Variants in PSG11 observed in about 807,000 individuals in gnomAD.
PSG11 encodes pregnancy specific beta-1-glycoprotein 11.
PSG11 carries 42 observed loss-of-function variants against 36.0 expected under a neutral mutation model. That is an observed-to-expected ratio of 1.17 (90% CI 0.91 to 1.51). The LOEUF (loss-of-function observed/expected upper bound fraction) is 1.51. PSG11 is among the 40% of genes most tolerant of loss of function. The pLI, the probability that PSG11 is intolerant of heterozygous loss-of-function variation, is 0.00. For synonymous variants in PSG11, 206 were observed against 153.5 expected, an observed-to-expected ratio of 1.34 and a Z score of -2.53; for missense variants, 558 against 403.5, an observed-to-expected ratio of 1.38 and a Z score of -3.28.
intron 4 of PSG11, among the ~76,000 whole-genome samples, chr19:43,013,671 A>C (rs1056874412): frequency 6.6e-6 from 1 of 151,472 alleles, no homozygotes; most frequent in African/African-American, 2.4e-5. Context: ...TGCATTGCTG[A>C]TGGGAATGGG....
chr19:43,020,878 T>G (rs1443926334), intron 2 of PSG11, among the ~76,000 whole-genome samples: 3 of 151,450 alleles, frequency 2.0e-5, no homozygotes, highest in African/African-American at 7.3e-5. Flanking sequence ...GTATGTGAAA[T>G]GCTTTCTTCA....
intron 3 of PSG11, among the ~76,000 whole-genome samples, chr19:43,016,602 A>C (rs1362411802): frequency 6.7e-6 from 1 of 149,842 alleles, no homozygotes; most frequent in African/African-American, 2.5e-5. Context: ...CCTGGAGGTC[A>C]GTTCAGTCAT....
chr19:43,016,371 T>C (rs1033380695), intron 3 of PSG11, among the ~76,000 whole-genome samples: 3 of 151,290 alleles, frequency 2.0e-5, no homozygotes, highest in Non-Finnish European at 2.9e-5. Context: ...CTGGCTCACC[T>C]TGGGTTCCTT....
In PSG11 at chr19:43,014,394, C is replaced by T. The variant is rs567818975; in HGVS notation, c.964+722G>A. On this transcript the variant is annotated intron_variant, in intron 4 of 5. Coordinates refer to ENST00000320078, the MANE Select transcript of PSG11 (RefSeq NM_002785.3). ...CAGTCACTGTACTCAGTGCTGTGTCCCACGTGCTGTGCCCACAGCCTCATA... is the reference window on the plus strand; with the variant it reads ...CAGTCACTGTACTCAGTGCTGTGTCTCACGTGCTGTGCCCACAGCCTCATA... 1.1e-5 allele frequency: 10 copies of T among 942,026 alleles called. No homozygotes were observed. The South Asian group carries it at 4.9e-4, about 47-fold the overall frequency. 58.4% of individuals were successfully genotyped at this position (942,026 alleles called of 1,614,324 possible). A position where few individuals can be genotyped will look rare whatever the true frequency, so the allele number is the denominator to read the frequency against.
rs1382058922 is a variant in PSG11 at position 43,015,778 on chromosome 19, A to C, written c.710-408T>G. The C allele has an allele frequency of 6.2e-6, 10 of 1,610,470 alleles. No homozygotes were observed. The African/African-American group carries it at 6.7e-5, about 11-fold the overall frequency. On this transcript the variant is annotated intron_variant, in intron 3 of 5. Coordinates refer to ENST00000320078, the MANE Select transcript of PSG11 (RefSeq NM_002785.3). The stretch of plus-strand genomic sequence containing the variant: ...GGAACAAAAGATACAGAGGACATTC[A>C]GGGTGACTGAGTCACTGCGGATGCC...
At position 43,010,059 on chromosome 19, in the gene PSG11, GA is replaced by G. The variant is rs781159305; in HGVS notation, c.965-19del. ...TGGAGGAGCTGTCATGGAAAGAAAA[GA>G]AAAGAAGGAATGAAGGTGATGTTAT... On this transcript the variant is annotated intron_variant, in intron 4 of 5. Coordinates refer to ENST00000320078, the MANE Select transcript of PSG11 (RefSeq NM_002785.3). 2.5e-6 allele frequency: 4 copies of G among 1,606,234 alleles called. No homozygotes were observed. Among genetic ancestry groups the G allele is most frequent in the East Asian group, 2.2e-5 (1 of 44,734 alleles).
intron 5 of PSG11, 79 bp downstream of exon 5, chr19:43,009,879 A>G: frequency 8.7e-7 from 1 of 1,148,348 alleles, no homozygotes; most frequent in Non-Finnish European, 1.3e-6. Context: ...GCCCAGATAC[A>G]GGCAAATAAG....
chr19:43,025,798 A>G lies in PSG11; in HGVS notation c.64+511T>C, dbSNP rs1053864828. Among the ~76,000 whole-genome samples, 4 of 150,390 alleles carry G rather than the reference A, an allele frequency of 2.7e-5. 1 individual carries two copies. Among genetic ancestry groups the G allele is most frequent in the African/African-American group, 2.5e-5 (1 of 40,746 alleles). ...GTGGCCCCTGATGATTAATCAGGAA[A>G]ACAGAACACCTGTTTCCTACCTCTT... On this transcript the variant is annotated intron_variant, in intron 1 of 5. Coordinates refer to ENST00000320078, the MANE Select transcript of PSG11 (RefSeq NM_002785.3).
At chr19:43,008,452 G>A (rs1266965930) in intron 5 of PSG11, among the ~76,000 whole-genome samples, 7 of 150,682 alleles carry the variant, frequency 4.6e-5, no homozygotes, top group Non-Finnish European at 8.9e-5. Context: ...TTGTTTTTGC[G>A]TTTTTGGTAG....
chr19:43,007,824 TC>T lies in PSG11; in HGVS notation c.*258del, dbSNP rs1952738131. On this transcript the variant is annotated 3_prime_UTR_variant, in exon 6 of 6. Transcript: ENST00000320078. ...TTCATAAATCTGGAGGATAAAACATTCAAAAAATCAGCACATTTTCCAATAA... is the reference window on the plus strand; with the variant it reads ...TTCATAAATCTGGAGGATAAAACATTAAAAAATCAGCACATTTTCCAATAA... 2 of 305,748 alleles carry T rather than the reference TC, an allele frequency of 6.5e-6. No individual in the cohort carries two copies. Among genetic ancestry groups the T allele is most frequent in the Non-Finnish European group, 6.4e-6 (1 of 157,348 alleles). 18.9% of individuals were successfully genotyped at this position (305,748 alleles called of 1,614,324 possible). A position where few individuals can be genotyped will look rare whatever the true frequency, so the allele number is the denominator to read the frequency against.
rs771449929 is a variant in PSG11, at chr19:43,026,416, G to A, written c.-44C>T. The A allele has an allele frequency of 1.9e-6, 3 of 1,601,292 alleles. 1 individual carries two copies. The South Asian group carries it at 3.3e-5, about 18-fold the overall frequency. ...GTTCTCCTCTGTGGAGATGAGCCTA[G>A]GATCCAGAAGCTTCCAGAGCACGGC... On this transcript the variant is annotated 5_prime_UTR_variant, in exon 1 of 6. Transcript: ENST00000320078.
At chr19:43,014,401 C>T in intron 4 of PSG11, 2 of 944,944 alleles carry the variant, frequency 2.1e-6, no homozygotes, top group Non-Finnish European at 2.5e-6. Context: ...GTCCCACGTG[C>T]TGTGCCCACA....
chr19:43,021,678 T>C (rs956022410), intron 2 of PSG11, among the ~76,000 whole-genome samples: 8 of 151,506 alleles, frequency 5.3e-5, no homozygotes, highest in African/African-American at 1.9e-4. Flanking sequence ...TTGTTGACTT[T>C]TGAGTTTGTT....
intron 1 of PSG11, among the ~76,000 whole-genome samples, 163 bp downstream of exon 1, chr19:43,026,146 T>C (rs1202171754): frequency 6.7e-6 from 1 of 150,214 alleles, no homozygotes; most frequent in East Asian, 2.0e-4. Flanking sequence ...CTTCACTCTG[T>C]TGGCTGGACT....
chr19:43,014,108 A>C (rs1471701276), intron 4 of PSG11: 3 of 154,274 alleles, frequency 1.9e-5, no homozygotes, highest in East Asian at 3.9e-4. Flanking sequence ...GCTAAGTGTT[A>C]GGGGGAGAAG....
chr19:43,023,726 C>A (rs1967162719), intron 2 of PSG11, among the ~76,000 whole-genome samples: 1 of 151,154 alleles, frequency 6.6e-6, no homozygotes, highest in African/African-American at 2.4e-5. Context: ...CTGATCTCCC[C>A]TTTGCGTTTG....
chr19:43,013,001 C>G (rs555548160), intron 4 of PSG11, among the ~76,000 whole-genome samples: 5 of 151,456 alleles, frequency 3.3e-5, no homozygotes, highest in African/African-American at 9.7e-5. Context: ...TGATTTTCAT[C>G]GAGTGTGCCA....
Position 43,026,031 on chromosome 19 carries a change from A to G in PSG11, c.64+278T>C, listed in dbSNP as rs568033921. Among the ~76,000 whole-genome samples the G allele has an allele frequency of 1.1e-3, 138 of 125,154 alleles. 5 individuals are homozygous for G. The highest frequency in any genetic ancestry group is 6.1e-3 in the Middle Eastern group (1 of 164). 82.1% of individuals were successfully genotyped at this position (125,154 alleles called of 152,430 possible). The stretch of plus-strand genomic sequence containing the variant: ...ATCTCAGCTCACTGCAACTTCCGCC[A>G]CCCTGGTTCACGTGATTCTCCTGCC... On this transcript the variant is annotated intron_variant, in intron 1 of 5. Transcript: ENST00000320078.
Position 43,024,948 on chromosome 19 carries a change from A to C in PSG11, c.173T>G (p.Leu58Trp). The C allele has an allele frequency of 6.2e-7, 1 of 1,611,826 alleles. No homozygotes were observed. Among genetic ancestry groups the C allele is most frequent in the Non-Finnish European group, 8.5e-7 (1 of 1,179,068 alleles). Residue 58 changes from leucine (L) to tryptophan (W), a missense_variant, in exon 2 of 6, where the codon TTG becomes TGG. Coordinates refer to ENST00000320078, the MANE Select transcript of PSG11 (RefSeq NM_002785.3). ...GATGTAGCCAGTAAGATTCTGGGGCAAATTGTGGACAAGTAGAAGAACATC... is the reference window on the plus strand; with the variant it reads ...GATGTAGCCAGTAAGATTCTGGGGCCAATTGTGGACAAGTAGAAGAACATC... ...GKDVLLLVHN[L>W]PQNLTGYIWY... is the part of the protein sequence containing the mutation.
Sources: allele counts gnomAD v4.1 joint callset (sites outside exome capture counted in the v4.1 genomes callset), GRCh38; gene constraint gnomAD v4.1.1; transcripts MANE v1.5; gene names NCBI Gene and HGNC (gene_info 2026-07-23, HGNC 2026-07-21).